RIC3: variants seen among roughly 807,000 people sequenced by gnomAD.
RIC3 encodes the protein RIC3 acetylcholine receptor chaperone.
A neutral mutation model predicts 27.3 loss-of-function variants in RIC3; 28 were observed. The observed-to-expected ratio is 1.02, with a 90% CI of 0.76 to 1.41. The LOEUF (loss-of-function observed/expected upper bound fraction) is 1.41. RIC3 is among the 40% of genes most tolerant of loss of function. The probability of loss-of-function intolerance (pLI) is 0.00; values close to 1 mark genes in which losing one functional copy is unlikely to be tolerated. For missense variants in RIC3, 501 were observed against 444.7 expected, an observed-to-expected ratio of 1.13 and a Z score of -1.14; for synonymous variants, 184 against 160.4, an observed-to-expected ratio of 1.15 and a Z score of -1.11.
intron 4 of RIC3, chr11:8,128,503 G>C: frequency 5.9e-6 from 2 of 336,694 alleles, no homozygotes; most frequent in South Asian, 2.3e-5. Context: ...TCTACCTTAT[G>C]ACATCTTCTG....
At chr11:8,167,593 C>T (rs1202508550) in intron 1 of RIC3, among the ~76,000 whole-genome samples, 3 of 149,600 alleles carry the variant, frequency 2.0e-5, no homozygotes, top group African/African-American at 4.9e-5. Context: ...GTGTCTCCCA[C>T]TCACAGTCAA....
At chr11:8,097,480 A>G in the RIC3 span, 12 of 1,609,476 alleles carry the variant, frequency 7.5e-6, no homozygotes, top group Non-Finnish European at 9.4e-6. Context: ...TTGAAATCCT[A>G]GGGGCTGAAA....
downstream of RIC3, chr11:8,101,619 G>A: frequency 6.2e-7 from 1 of 1,614,188 alleles, no homozygotes; most frequent in Non-Finnish European, 8.5e-7. Context: ...CGTGCGAGTA[G>A]AGGCCTCTTC....
chr11:8,126,304 GTC>G (rs1946983313), intron 5 of RIC3, among the ~76,000 whole-genome samples: 4 of 152,138 alleles, frequency 2.6e-5, no homozygotes, highest in African/African-American at 9.7e-5. Context: ...AAACATGAAT[GTC>G]AAAAGTATTA....
chr11:8,165,731 C>T (rs1245355459), intron 1 of RIC3, among the ~76,000 whole-genome samples: 1 of 149,894 alleles, frequency 6.7e-6, no homozygotes, highest in African/African-American at 2.4e-5. Flanking sequence ...AAAAAGACTT[C>T]CCTCCTCTAT....
chr11:8,112,588 C>T (rs2134056119), intron 5 of RIC3, among the ~76,000 whole-genome samples: 1 of 152,298 alleles, frequency 6.6e-6, no homozygotes, highest in East Asian at 1.9e-4. Context: ...AGCCACCGCG[C>T]CCGGCCAACA....
chr11:8,100,940 C>A, the RIC3 span: 1 of 1,614,170 alleles, frequency 6.2e-7, no homozygotes, highest in African/African-American at 1.3e-5. Flanking sequence ...ACTCAACTTC[C>A]ATGGGCGCGT....
At chr11:8,112,243 C>G (rs1179521886) in intron 5 of RIC3, among the ~76,000 whole-genome samples, 1 of 151,530 alleles carries the variant, frequency 6.6e-6, no homozygotes, top group Non-Finnish European at 1.5e-5. Flanking sequence ...TTTTTCTGGT[C>G]TTTTTTTAAC....
downstream of RIC3, chr11:8,104,530 G>C (rs895074880): frequency 1.1e-4 from 16 of 152,160 alleles, no homozygotes; most frequent in African/African-American, 3.4e-4. Flanking sequence ...TGAATGAGTA[G>C]GAAAGGAATA....
chr11:8,137,571 C>A, intron 3 of RIC3, 100 bp from the exon 4 acceptor site: 3 of 740,358 alleles, frequency 4.1e-6, no homozygotes, highest in Non-Finnish European at 6.6e-6. Flanking sequence ...GTCTAACTTC[C>A]CATTACTATC....
At chr11:8,100,941 A>G in the RIC3 span, 1 of 1,614,164 alleles carries the variant, frequency 6.2e-7, no homozygotes, top group East Asian at 2.2e-5. Context: ...CTCAACTTCC[A>G]TGGGCGCGTC....
chr11:8,099,434 C>T, the RIC3 span, among the ~76,000 whole-genome samples: 1 of 152,124 alleles, frequency 6.6e-6, no homozygotes, highest in South Asian at 2.1e-4. Context: ...TGGGCATGGG[C>T]ACTTCTTGGA....
chr11:8,151,602 CAAAT>C (rs1489256574), intron 1 of RIC3, among the ~76,000 whole-genome samples: 2 of 100,330 alleles, frequency 2.0e-5, no homozygotes, highest in East Asian at 3.2e-4. Context: ...AAAAAAAAGA[CAAAT>C]AAACCAAGTA....
At chr11:8,143,022 G>A (rs1463046393) in intron 1 of RIC3, among the ~76,000 whole-genome samples, 1 of 106,810 alleles carries the variant, frequency 9.4e-6, no homozygotes, top group South Asian at 3.1e-4. Flanking sequence ...TTGATGGGAC[G>A]TATTTCAAAA....
chr11:8,153,495 G>T, intron 1 of RIC3: 1 of 427,290 alleles, frequency 2.3e-6, no homozygotes, highest in African/African-American at 2.1e-5. Flanking sequence ...ATAAATCCTT[G>T]TCAAATTTTC....
chr11:8,128,930 A>G (rs1947335364), intron 4 of RIC3, among the ~76,000 whole-genome samples: 1 of 151,054 alleles, frequency 6.6e-6, no homozygotes, highest in Non-Finnish European at 1.5e-5. Context: ...AATTTTTTGT[A>G]TTTTTAGTAG....
chr11:8,154,751 GTTTT>G (rs11432659), intron 1 of RIC3, among the ~76,000 whole-genome samples: 3,498 of 151,924 alleles, frequency 0.023, 126 homozygotes, highest in African/African-American at 0.08. Flanking sequence ...TAAGATTTGT[GTTTT>G]TTTAAGTTTG....
chr11:8,124,531 A>C (rs1355696459), intron 5 of RIC3, among the ~76,000 whole-genome samples: 9 of 152,354 alleles, frequency 5.9e-5, no homozygotes, highest in Middle Eastern at 3.4e-3. Flanking sequence ...AAAACTGACA[A>C]ACTGATTGTA....
intron 5 of RIC3, among the ~76,000 whole-genome samples, chr11:8,122,043 T>C (rs1382146962): frequency 6.6e-6 from 1 of 152,084 alleles, no homozygotes; most frequent in Non-Finnish European, 1.5e-5. Flanking sequence ...TGGTTAAGAC[T>C]CTATCCCTTT....
Sources: allele counts gnomAD v4.1 joint callset (sites outside exome capture counted in the v4.1 genomes callset), GRCh38; gene constraint gnomAD v4.1.1; transcripts MANE v1.5; gene names NCBI Gene and HGNC (gene_info 2026-07-23, HGNC 2026-07-21).